The following STEAP1B variants were observed in gnomAD, a reference collection of about 807,000 sequenced individuals.
STEAP1B encodes the protein STEAP family member 1B, also known as STEAP family protein MGC87042.
In STEAP1B, 13 loss-of-function variants were observed where a neutral mutation model predicts 27.9. That is an observed-to-expected ratio of 0.47 (90% CI 0.30 to 0.74). STEAP1B has a LOEUF of 0.74. Among genes scored for constraint, STEAP1B ranks in the 30% least tolerant of loss-of-function variants. The pLI is 0.06. For synonymous variants in STEAP1B, 86 were observed against 107.1 expected (o/e 0.80, Z 1.22); for missense variants, 250 against 298.7 (o/e 0.84, Z 1.20).
chr7:22,486,185 T>C (rs751325721), intron 4 of STEAP1B, among the ~76,000 whole-genome samples: 2 of 152,324 alleles, frequency 1.3e-5, no homozygotes, highest in Non-Finnish European at 1.5e-5. Context: ...CAGTCATGGC[T>C]TAGAGGCACT....
chr7:22,435,990 G>A (rs1583630700), intron 4 of STEAP1B, among the ~76,000 whole-genome samples: 1 of 152,156 alleles, frequency 6.6e-6, no homozygotes, highest in Non-Finnish European at 1.5e-5. Flanking sequence ...TGGCATGCCC[G>A]GACTCTGGAG....
intron 4 of STEAP1B, among the ~76,000 whole-genome samples, chr7:22,461,181 G>C (rs1785672649): frequency 6.6e-6 from 1 of 152,208 alleles, no homozygotes; most frequent in East Asian, 1.9e-4. Context: ...CAGCTCTGAA[G>C]AGGGTCGTTT....
intron 4 of STEAP1B, among the ~76,000 whole-genome samples, chr7:22,443,705 G>C (rs2128402621): frequency 6.6e-6 from 1 of 152,330 alleles, no homozygotes; most frequent in Non-Finnish European, 1.5e-5. Context: ...GTGGATGGCA[G>C]GACAACAGCA....
chr7:22,462,092 A>T (rs1785688234), intron 4 of STEAP1B, among the ~76,000 whole-genome samples: 2 of 152,168 alleles, frequency 1.3e-5, no homozygotes, highest in South Asian at 4.1e-4. Flanking sequence ...CATCATTTAT[A>T]CTTATTATGA....
At position 22,492,571 on chromosome 7, in the gene STEAP1B, A is replaced by G. The variant is rs766624648; in HGVS notation, c.756T>C (p.Tyr252=). ...SDSLTWREFH[Y]IQVHGRINFL... is the part of the protein sequence containing the mutation. ...TATTTTATATATTATTTACCTGAAT[A>G]TAGTGAAATTCTCTCCATGTCAAAG... Residue 252 remains tyrosine, a synonymous_variant, in exon 4 of 5, where the codon TAT becomes TAC. Coordinates refer to ENST00000678116, the MANE Select transcript of STEAP1B (RefSeq NM_001382447.1). 3.4e-5 allele frequency: 55 copies of G among 1,594,320 alleles called. No homozygotes were observed. The African/African-American group carries it at 6.8e-4, about 20-fold the overall frequency.
intron 4 of STEAP1B, among the ~76,000 whole-genome samples, chr7:22,462,323 T>C (rs1282195128): frequency 6.8e-6 from 1 of 147,408 alleles, no homozygotes; most frequent in African/African-American, 2.5e-5. Flanking sequence ...GCTGGTGTGC[T>C]GCACCCACTA....
chr7:22,422,693 C>A (rs1194276327), intron 4 of STEAP1B, among the ~76,000 whole-genome samples: 1 of 152,134 alleles, frequency 6.6e-6, no homozygotes, highest in East Asian at 1.9e-4. Flanking sequence ...CAGGGTTTCA[C>A]CATGTTGGCC....
chr7:22,488,134 G>A (rs1051507503), intron 4 of STEAP1B, among the ~76,000 whole-genome samples: 2 of 152,120 alleles, frequency 1.3e-5, no homozygotes, highest in East Asian at 1.9e-4. Flanking sequence ...AGTCCTCCGA[G>A]TCCCTTCTCT....
intron 4 of STEAP1B, among the ~76,000 whole-genome samples, chr7:22,457,658 C>T (rs1486414659): frequency 6.6e-6 from 1 of 152,208 alleles, no homozygotes; most frequent in Non-Finnish European, 1.5e-5. Context: ...TTGCTAATGC[C>T]AGCGTGCCTT....
rs1045221029 is a variant in STEAP1B, at chr7:22,470,770, A to T, written c.762+21795T>A. ...GGTTAATTTCTTAGTTTTCATGAAC[A>T]TTCTGTGGGTATTGAAGATGTTAAC... On this transcript the variant is annotated intron_variant, in intron 4 of 4. Coordinates refer to ENST00000678116, the MANE Select transcript of STEAP1B (RefSeq NM_001382447.1). Among the ~76,000 whole-genome samples the T allele has an allele frequency of 7.2e-5, 11 of 152,310 alleles. No individual in the cohort carries two copies. The East Asian group carries it at 1.2e-3, about 16-fold the overall frequency.
chr7:22,479,308 G>A (rs1004585881), intron 4 of STEAP1B, among the ~76,000 whole-genome samples: 2 of 152,180 alleles, frequency 1.3e-5, no homozygotes, highest in Non-Finnish European at 2.9e-5. Flanking sequence ...CTGCAAGGAG[G>A]CAGTGCATTT....
chr7:22,494,268 T>C (rs1786398068), intron 2 of STEAP1B, among the ~76,000 whole-genome samples: 1 of 151,564 alleles, frequency 6.6e-6, no homozygotes, highest in African/African-American at 2.4e-5. Context: ...CACTTAATCC[T>C]GTGTTTGACC....
At chr7:22,423,493 G>A (rs930407617) in intron 4 of STEAP1B, among the ~76,000 whole-genome samples, 1 of 152,100 alleles carries the variant, frequency 6.6e-6, no homozygotes, top group Non-Finnish European at 1.5e-5. Flanking sequence ...ATTGTACTAA[G>A]TAAAAGGACT....
At chr7:22,443,920 T>G (rs1296653605) in intron 4 of STEAP1B, among the ~76,000 whole-genome samples, 1 of 152,156 alleles carries the variant, frequency 6.6e-6, no homozygotes. Context: ...CAGCTGAAGG[T>G]GATGTCCAGC....
chr7:22,476,635 T>C (rs968038423), intron 4 of STEAP1B, among the ~76,000 whole-genome samples: 2 of 152,186 alleles, frequency 1.3e-5, no homozygotes, highest in African/African-American at 4.8e-5. Flanking sequence ...TCTGGATTCC[T>C]TAGCTTGGAA....
chr7:22,474,983 T>A (rs560556277), intron 4 of STEAP1B, among the ~76,000 whole-genome samples: 1 of 152,222 alleles, frequency 6.6e-6, no homozygotes, highest in Non-Finnish European at 1.5e-5. Context: ...ACTCATATGT[T>A]CTTTGAATGA....
At chr7:22,456,962 A>ATTTTTTTTT (rs1203176514) in intron 4 of STEAP1B, among the ~76,000 whole-genome samples, 1 of 33,248 alleles carries the variant, frequency 3.0e-5, no homozygotes, top group Non-Finnish European at 6.4e-5. Flanking sequence ...CTATATATAT[A>ATTTTTTTTT]TATATATATA....
At chr7:22,458,829 G>C (rs1180138574) in intron 4 of STEAP1B, among the ~76,000 whole-genome samples, 1 of 152,138 alleles carries the variant, frequency 6.6e-6, no homozygotes. Context: ...TGTTATCCTG[G>C]AGGGGATGGG....
chr7:22,472,512 T>C (rs1785902212), intron 4 of STEAP1B, among the ~76,000 whole-genome samples: 1 of 152,204 alleles, frequency 6.6e-6, no homozygotes, highest in South Asian at 2.1e-4. Flanking sequence ...AGAACAGAGA[T>C]TGAGAGTTAA....
Sources: gnomAD v4.1 joint callset for allele counts (sites outside exome capture counted in the v4.1 genomes callset) on GRCh38, gnomAD v4.1.1 for gene constraint, MANE v1.5 for transcripts, NCBI Gene and HGNC (gene_info 2026-07-23, HGNC 2026-07-21) for gene names.